The following PTK2B variants were observed in gnomAD, a reference collection of about 807,000 sequenced individuals.
PTK2B encodes protein tyrosine kinase 2 beta, also known as protein-tyrosine kinase 2-beta.
A neutral mutation model predicts 142.9 loss-of-function variants in PTK2B; 71 were observed. That is an observed-to-expected ratio of 0.50 (90% CI 0.41 to 0.61). The LOEUF is 0.61. Ranked by LOEUF, PTK2B falls within the 20% of genes least tolerant of loss-of-function variation. PTK2B has a pLI of 0.00. For synonymous variants in PTK2B, 519 were observed against 503.4 expected (o/e 1.03, Z -0.42); for missense variants, 1,105 against 1,320.4 (o/e 0.84, Z 2.53).
At chr8:27,367,218 T>C (rs1563224289) in intron 1 of PTK2B, among the ~76,000 whole-genome samples, 1 of 152,206 alleles carries the variant, frequency 6.6e-6, no homozygotes, top group Non-Finnish European at 1.5e-5. Context: ...TTGGAAATAA[T>C]GTCAAGGGCT....
chr8:27,454,437 G>T lies in PTK2B; in HGVS notation c.2734-94G>T, dbSNP rs949739879. On this transcript the variant is annotated intron_variant, in intron 29 of 30. Coordinates refer to ENST00000346049, the MANE Select transcript of PTK2B (RefSeq NM_173176.3). ...ATTGAGTCCCAGGCCACTCGCGGGG[G>T]ACAAGCACCACCCCAGGAGAGCTCT... 3.9e-6 allele frequency: 6 copies of T among 1,555,358 alleles called. No individual in the cohort carries two copies. In the Admixed American group the frequency reaches 1.0e-4, roughly 26 times the overall value.
chr8:27,433,602 C>T, intron 11 of PTK2B, 50 bp downstream of exon 11: 1 of 1,488,708 alleles, frequency 6.7e-7, no homozygotes, highest in South Asian at 1.1e-5. Flanking sequence ...GGCAGCACAC[C>T]CGAGTCCCCA....
intron 30 of PTK2B, among the ~76,000 whole-genome samples, 165 bp from the exon 31 acceptor site, chr8:27,458,129 G>A (rs1812263012): frequency 6.6e-6 from 1 of 152,122 alleles, no homozygotes; most frequent in African/African-American, 2.4e-5. Flanking sequence ...GACCTGACTC[G>A]ACCCTGCACG....
At chr8:27,321,278 G>A (rs1186901498), upstream of PTK2B, among the ~76,000 whole-genome samples, 3 of 152,048 alleles carry the variant, frequency 2.0e-5, no homozygotes, top group East Asian at 3.9e-4. Flanking sequence ...TTATAGGCAT[G>A]AGCCACCATG....
chr8:27,364,027 A>C (rs1257464191), intron 1 of PTK2B, among the ~76,000 whole-genome samples: 1 of 151,978 alleles, frequency 6.6e-6, no homozygotes, highest in Non-Finnish European at 1.5e-5. Context: ...CTCTCCACAC[A>C]CTCTACATAC....
At chr8:27,381,470 A>G (rs1397933240) in intron 1 of PTK2B, among the ~76,000 whole-genome samples, 1 of 152,066 alleles carries the variant, frequency 6.6e-6, no homozygotes, top group Non-Finnish European at 1.5e-5. Context: ...TTCACTTAAC[A>G]TAACATCCTC....
intron 2 of PTK2B, among the ~76,000 whole-genome samples, chr8:27,404,579 G>T (rs1586249495): frequency 1.3e-5 from 2 of 152,234 alleles, no homozygotes; most frequent in Middle Eastern, 6.8e-3. Context: ...TTGCTTGCCT[G>T]GTGCATGAGG....
intron 27 of PTK2B, chr8:27,451,818 C>T (rs1439612226): frequency 8.0e-7 from 1 of 1,245,196 alleles, no homozygotes; most frequent in East Asian, 3.9e-5. Flanking sequence ...ATTTCCTGCT[C>T]TGTTGGAAGC....
chr8:27,408,407 C>T (rs1395642557), intron 2 of PTK2B, among the ~76,000 whole-genome samples: 3 of 152,238 alleles, frequency 2.0e-5, no homozygotes, highest in Non-Finnish European at 4.4e-5. Flanking sequence ...TGGGTTTCCC[C>T]ACTCAGCCTG....
chr8:27,409,017 A>T (rs1042565905), intron 2 of PTK2B, among the ~76,000 whole-genome samples: 2 of 152,196 alleles, frequency 1.3e-5, no homozygotes, highest in African/African-American at 2.4e-5. Context: ...CTTGGCCTGC[A>T]GCTGCATCAC....
In PTK2B at chr8:27,363,311, G is replaced by A. The variant is rs78756845; in HGVS notation, c.-37-34237G>A. Among the ~76,000 whole-genome samples, 6,274 of 152,298 alleles carry A rather than the reference G, an allele frequency of 0.041. 191 individuals are homozygous for A. The highest frequency in any genetic ancestry group is 0.082 in the Admixed American group (1,258 of 15,296). On this transcript the variant is annotated intron_variant, in intron 1 of 30. Transcript: ENST00000346049. This position sits in a 1 kb window ranked among gnomAD's most constrained non-coding sequence, Gnocchi z 4.3. ...CCAGGGAAGGCCTGGGAGAGCAGAG[G>A]AGCTGTTTTCCACTAGTGAAAGGTC...
At chr8:27,422,493 G>A (rs1809824492) in intron 5 of PTK2B, 110 bp downstream of exon 5, 4 of 1,042,390 alleles carry the variant, frequency 3.8e-6, no homozygotes, top group Non-Finnish European at 5.3e-6. Context: ...TGGGAGCCAG[G>A]AAGGGGAGAG....
intron 4 of PTK2B, among the ~76,000 whole-genome samples, chr8:27,421,334 GT>G (rs1216034318): frequency 1.3e-5 from 2 of 149,036 alleles, no homozygotes; most frequent in African/African-American, 2.5e-5. Context: ...ATTTCAATGG[GT>G]TTTTTGGGGG....
At chr8:27,314,795 A>G (rs1301147429) in intron 3 of PTK2B, among the ~76,000 whole-genome samples, 4 of 152,158 alleles carry the variant, frequency 2.6e-5, no homozygotes. Context: ...AGATGCCAAT[A>G]ACCTGGACAC....
At chr8:27,382,344 C>T (rs1807079759) in intron 1 of PTK2B, among the ~76,000 whole-genome samples, 1 of 152,126 alleles carries the variant, frequency 6.6e-6, no homozygotes, top group Non-Finnish European at 1.5e-5. Context: ...CCTCATGTAT[C>T]CTGGATATCA....
chr8:27,343,725 C>T (rs1359955559), intron 1 of PTK2B, among the ~76,000 whole-genome samples: 2 of 152,182 alleles, frequency 1.3e-5, no homozygotes, highest in Non-Finnish European at 2.9e-5. Context: ...TTTCGCCAGG[C>T]GTGCTGGCTC....
At position 27,420,816 on chromosome 8, in the gene PTK2B, CCTA is replaced by C. The variant is rs1444053453; in HGVS notation, c.471+73_471+75del. Reference sequence around the variant, plus strand: ...AAATGCCAAGCATGAACCGTTCTCTCCTAGGGAGATGGAAAGACAAAGCCCAGA... The same window carrying C: ...AAATGCCAAGCATGAACCGTTCTCTCGGGAGATGGAAAGACAAAGCCCAGA... On this transcript the variant is annotated intron_variant, in intron 4 of 30. Transcript: ENST00000346049. 9 of 1,375,076 alleles carry C rather than the reference CCTA, an allele frequency of 6.5e-6. No individual in the cohort carries two copies. The African/African-American group carries it at 1.3e-4, about 20-fold the overall frequency. The allele number at this position is 1,375,076 out of a possible 1,614,324, so 85.2% of individuals were successfully genotyped here. A position where few individuals can be genotyped will look rare whatever the true frequency, so the allele number is the denominator to read the frequency against.
intron 2 of PTK2B, among the ~76,000 whole-genome samples, chr8:27,413,234 C>CA (rs1378647482): frequency 1.3e-5 from 2 of 152,186 alleles, no homozygotes; most frequent in East Asian, 3.8e-4. Context: ...ATTGCTGCCC[C>CA]ATCACCGGAA....
chr8:27,350,484 A>G (rs1804978631), intron 1 of PTK2B, among the ~76,000 whole-genome samples: 1 of 152,164 alleles, frequency 6.6e-6, no homozygotes, highest in Non-Finnish European at 1.5e-5. Context: ...ATCTATTTCA[A>G]TAACCTTTGG....
Sources: allele counts gnomAD v4.1 joint callset (sites outside exome capture counted in the v4.1 genomes callset), GRCh38; gene constraint gnomAD v4.1.1; non-coding constraint Gnocchi (gnomAD v3.1); transcripts MANE v1.5; gene names NCBI Gene and HGNC (gene_info 2026-07-23, HGNC 2026-07-21).